The following CLINT1 variants were observed in gnomAD, a reference collection of about 807,000 sequenced individuals.
CLINT1 encodes the protein clathrin interactor 1.
In CLINT1, 15 loss-of-function variants were observed where a neutral mutation model predicts 70.4. The ratio of observed to expected loss-of-function variants is 0.21; its 90% CI spans 0.14 to 0.33. The LOEUF (loss-of-function observed/expected upper bound fraction) is 0.33. CLINT1 is among the 10% of genes least tolerant of loss of function. The pLI is 1.00. For missense variants in CLINT1, 615 were observed against 778.1 expected (o/e 0.79, Z 2.49); for synonymous variants, 227 against 254.7 (o/e 0.89, Z 1.04).
At chr5:157,801,367 C>T (rs369764964) in intron 8 of CLINT1, among the ~76,000 whole-genome samples, 2 of 151,876 alleles carry the variant, frequency 1.3e-5, no homozygotes, top group Admixed American at 6.6e-5. Context: ...ATCAGCCGGG[C>T]GTGGTGGCGC....
intron 1 of CLINT1, among the ~76,000 whole-genome samples, chr5:157,832,745 C>T (rs1763286393): frequency 6.6e-6 from 1 of 152,166 alleles, no homozygotes; most frequent in African/African-American, 2.4e-5. Context: ...TTGAGCAACA[C>T]TTGAGAGATT....
chr5:157,809,482 A>G (rs1392422740), intron 6 of CLINT1, 146 bp downstream of exon 6: 29 of 596,376 alleles, frequency 4.9e-5, no homozygotes, highest in Non-Finnish European at 7.3e-5. Context: ...TGCTCTAAAA[A>G]CAAATGAAGT....
At chr5:157,858,311 G>A (rs1365644537) in intron 1 of CLINT1, among the ~76,000 whole-genome samples, 1 of 152,176 alleles carries the variant, frequency 6.6e-6, no homozygotes, top group Non-Finnish European at 1.5e-5. Context: ...GTCATATAGT[G>A]ATCTACTTTC....
chr5:157,816,602 CTTCT>C (rs1762730514), intron 3 of CLINT1, 128 bp downstream of exon 3: 5 of 580,856 alleles, frequency 8.6e-6, no homozygotes, highest in South Asian at 4.4e-5. Context: ...AACAAATCTA[CTTCT>C]TTCATGTGCT....
chr5:157,811,049 A>T (rs10042866), intron 5 of CLINT1, among the ~76,000 whole-genome samples: 2,910 of 152,220 alleles, frequency 0.019, 89 homozygotes, highest in East Asian at 0.1. Flanking sequence ...TGGTTTTTTT[A>T]AAAAAAGTGA....
rs181097815 is a variant in CLINT1, at chr5:157,810,016, G to A, written c.518-211C>T. Among the ~76,000 whole-genome samples, 241 of 152,264 alleles carry A rather than the reference G, an allele frequency of 1.6e-3. 3 individuals carry two copies. The highest frequency in any genetic ancestry group is 2.5e-4 in the Non-Finnish European group (17 of 68,020). Reference sequence around the variant, plus strand: ...CAGGAATGCAGATTCAAAAGCTTTTGTTTATGAATACTTACACAACCTTAA... The same window carrying A: ...CAGGAATGCAGATTCAAAAGCTTTTATTTATGAATACTTACACAACCTTAA... On this transcript the variant is annotated intron_variant, in intron 5 of 11. Coordinates refer to ENST00000411809, the MANE Select transcript of CLINT1 (RefSeq NM_014666.4).
chr5:157,806,396 G>A (rs755695332), intron 6 of CLINT1, among the ~76,000 whole-genome samples: 5 of 143,948 alleles, frequency 3.5e-5, no homozygotes, highest in East Asian at 2.1e-4. Context: ...AAAATAACTC[G>A]TTTTTATTAC....
chr5:157,812,934 G>A (rs564520708), intron 5 of CLINT1, 129 bp downstream of exon 5: 2 of 799,780 alleles, frequency 2.5e-6, no homozygotes, highest in East Asian at 5.2e-5. Flanking sequence ...AGTACTGCGT[G>A]TATTTTAGTA....
At chr5:157,826,362 A>G (rs964135657) in intron 1 of CLINT1, among the ~76,000 whole-genome samples, 1 of 152,144 alleles carries the variant, frequency 6.6e-6, no homozygotes, top group African/African-American at 2.4e-5. Flanking sequence ...TACTGATTCT[A>G]CATAGATTTG....
At chr5:157,809,577 A>G in intron 6 of CLINT1, 51 bp downstream of exon 6, 4 of 1,488,642 alleles carry the variant, frequency 2.7e-6, no homozygotes, top group Non-Finnish European at 3.6e-6. Flanking sequence ...ACCCAGTGGC[A>G]TAAATTTAGG....
intron 1 of CLINT1, among the ~76,000 whole-genome samples, chr5:157,846,487 A>G (rs1003142432): frequency 1.3e-5 from 2 of 152,252 alleles, no homozygotes; most frequent in Non-Finnish European, 2.9e-5. Flanking sequence ...AGCTGAAGCT[A>G]GCAGAAGTTT....
rs751406081 is a variant in CLINT1 at position 157,787,661 on chromosome 5, G to T, written c.1863C>A (p.Ala621=). 1.2e-6 allele frequency: 2 copies of T among 1,612,972 alleles called. No individual in the cohort carries two copies. The highest frequency in any genetic ancestry group is 1.7e-6 in the Non-Finnish European group (2 of 1,179,192). Residue 621 remains alanine, a synonymous_variant, in exon 12 of 12, where the codon GCC becomes GCA. Transcript: ENST00000411809. ...TTACAATCTCTTATTTGCTAAAATT[G>T]GCGAAATTTGCAAAGGCATCTTGCT... ...QPKQDAFANF[A]NFSK
chr5:157,829,080 C>A (rs544204594), intron 1 of CLINT1, among the ~76,000 whole-genome samples: 1 of 152,050 alleles, frequency 6.6e-6, no homozygotes, highest in African/African-American at 2.4e-5. Flanking sequence ...CCAGCCTGGG[C>A]ATGGAAGCGA....
chr5:157,849,277 G>A (rs990341770), intron 1 of CLINT1, among the ~76,000 whole-genome samples: 1 of 152,188 alleles, frequency 6.6e-6, no homozygotes, highest in Non-Finnish European at 1.5e-5. Context: ...TAAGTCAGCA[G>A]CCATCAACAT....
chr5:157,816,231 A>G (rs1022547808), intron 3 of CLINT1, among the ~76,000 whole-genome samples: 2 of 152,204 alleles, frequency 1.3e-5, no homozygotes, highest in Non-Finnish European at 2.9e-5. Context: ...ATAGATGACT[A>G]TATTATTATA....
intron 9 of CLINT1, 21 bp downstream of exon 9, chr5:157,794,877 G>A (rs187508540): frequency 1.2e-4 from 181 of 1,546,506 alleles, no homozygotes; most frequent in Non-Finnish European, 1.4e-4. Flanking sequence ...TAGACTTCTG[G>A]CCAATCAAAT....
rs556938195 is a variant in CLINT1, at chr5:157,787,622, T to C, written c.*24A>G. On this transcript the variant is annotated 3_prime_UTR_variant, in exon 12 of 12. Coordinates refer to ENST00000411809, the MANE Select transcript of CLINT1 (RefSeq NM_014666.4). ...ATCTGCACAGCTAAAAATTCTTCATTCAATCTGCTTCTTTTACAATCTCTT... is the reference window on the plus strand; with the variant it reads ...ATCTGCACAGCTAAAAATTCTTCATCCAATCTGCTTCTTTTACAATCTCTT... The C allele has an allele frequency of 9.3e-5, 149 of 1,599,044 alleles. 1 individual carries two copies. In the South Asian group the frequency reaches 1.6e-3, roughly 17 times the overall value.
intron 5 of CLINT1, 30 bp from the exon 6 acceptor site, chr5:157,809,835 T>C (rs1406706806): frequency 6.3e-7 from 1 of 1,583,958 alleles, no homozygotes; most frequent in Non-Finnish European, 8.6e-7. Flanking sequence ...AAGAAGCAAT[T>C]CTAACGACAT....
chr5:157,788,913 G>A (rs11134958), intron 11 of CLINT1, among the ~76,000 whole-genome samples: 1,820 of 147,410 alleles, frequency 0.012, 36 homozygotes, highest in African/African-American at 0.044. Context: ...GCTGCAGTGA[G>A]CTGAGATTGC....
Sources: gnomAD v4.1 joint callset for allele counts (sites outside exome capture counted in the v4.1 genomes callset) on GRCh38, gnomAD v4.1.1 for gene constraint, MANE v1.5 for transcripts, NCBI Gene and HGNC (gene_info 2026-07-23, HGNC 2026-07-21) for gene names.